The following CRCP variants were observed in gnomAD, a reference collection of about 807,000 sequenced individuals.
The protein encoded by CRCP is DNA-directed RNA polymerase III subunit RPC9.
In CRCP, 18 loss-of-function variants were observed where a neutral mutation model predicts 18.5. The ratio of observed to expected loss-of-function variants is 0.97; its 90% CI spans 0.67 to 1.44. The LOEUF is 1.44. Among genes scored for constraint, CRCP ranks in the 40% most tolerant of loss-of-function variants. The pLI is 0.00. For synonymous variants in CRCP, 53 were observed against 62.9 expected (o/e 0.84, Z 0.75); for missense variants, 130 against 176.4 (o/e 0.74, Z 1.49).
At chr7:66,136,973 C>T (rs1293167370) in intron 4 of CRCP, among the ~76,000 whole-genome samples, 6 of 151,300 alleles carry the variant, frequency 4.0e-5, no homozygotes, top group African/African-American at 1.2e-4. Context: ...CCCAGCTACT[C>T]GGGAGGCTGA....
chr7:66,144,592 CGTAGCTGGGACTACAG>C (rs1433369880), intron 4 of CRCP, among the ~76,000 whole-genome samples: 24 of 152,156 alleles, frequency 1.6e-4, no homozygotes, highest in African/African-American at 4.1e-4. Flanking sequence ...CTCTGCCTTC[CGTAGCTGGGACTACAG>C]GTAGCTGGGA....
intron 4 of CRCP, among the ~76,000 whole-genome samples, chr7:66,144,526 C>G (rs1413909586): frequency 5.3e-5 from 8 of 152,210 alleles, no homozygotes; most frequent in African/African-American, 1.9e-4. Flanking sequence ...GGGTGTGGCT[C>G]TGTCGCCCAG....
intron 3 of CRCP, among the ~76,000 whole-genome samples, chr7:66,131,716 A>G (rs1787809421): frequency 1.3e-5 from 2 of 152,090 alleles, no homozygotes; most frequent in African/African-American, 4.8e-5. Flanking sequence ...AAAGCATCAC[A>G]TCATTGCAAA....
chr7:66,125,350 T>A (rs1787588974), intron 1 of CRCP, among the ~76,000 whole-genome samples: 1 of 149,500 alleles, frequency 6.7e-6, no homozygotes, highest in Non-Finnish European at 1.5e-5. Context: ...ACAGCTCGTT[T>A]AGGACTTCAT....
intron 3 of CRCP, among the ~76,000 whole-genome samples, chr7:66,133,292 T>TCTCGAGC (rs1787864694): frequency 6.6e-6 from 1 of 151,994 alleles, no homozygotes; most frequent in Non-Finnish European, 1.5e-5. Flanking sequence ...GATCACGAGG[T>TCTCGAGC]CAGGAGATCG....
chr7:66,127,781 C>T (rs1787659819), intron 2 of CRCP, 41 bp downstream of exon 2: 1 of 1,603,698 alleles, frequency 6.2e-7, no homozygotes, highest in Non-Finnish European at 8.5e-7. Flanking sequence ...ATAGTTTGCC[C>T]TTCGCTCCTG....
At chr7:66,145,165 A>G (rs1788256392) in intron 4 of CRCP, among the ~76,000 whole-genome samples, 1 of 152,166 alleles carries the variant, frequency 6.6e-6, no homozygotes, top group Non-Finnish European at 1.5e-5. Context: ...TCAAAAAAAA[A>G]GGAAAAAAGA....
chr7:66,137,630 T>C (rs554739098), intron 4 of CRCP, among the ~76,000 whole-genome samples: 2 of 152,356 alleles, frequency 1.3e-5, no homozygotes, highest in East Asian at 1.9e-4. Context: ...ATTGCTGAGA[T>C]TGGATGTTGA....
chr7:66,123,683 G>A (rs1442813962), intron 1 of CRCP, among the ~76,000 whole-genome samples: 1 of 151,526 alleles, frequency 6.6e-6, no homozygotes, highest in Non-Finnish European at 1.5e-5. Context: ...GGGAAGTGGA[G>A]GTTATGGTGA....
At chr7:66,145,256 C>T (rs953402268) in intron 4 of CRCP, among the ~76,000 whole-genome samples, 187 bp from the exon 5 acceptor site, 4 of 152,142 alleles carry the variant, frequency 2.6e-5, no homozygotes, top group Non-Finnish European at 5.9e-5. Context: ...CCATTCGTAC[C>T]GTGGGCTGGG....
intron 5 of CRCP, among the ~76,000 whole-genome samples, 199 bp from the exon 6 acceptor site, chr7:66,152,009 T>C (rs1788491051): frequency 6.6e-6 from 1 of 152,140 alleles, no homozygotes; most frequent in Admixed American, 6.6e-5. Flanking sequence ...CTGACCCATT[T>C]TGATCAGTCG....
intron 5 of CRCP, among the ~76,000 whole-genome samples, chr7:66,149,845 C>T (rs1186306111): frequency 6.6e-6 from 1 of 152,106 alleles, no homozygotes; most frequent in Non-Finnish European, 1.5e-5. Context: ...CTTACTCTGT[C>T]ACCCAGGCTG....
intron 1 of CRCP, among the ~76,000 whole-genome samples, chr7:66,124,495 C>T (rs530736408): frequency 1.4e-5 from 2 of 144,542 alleles, no homozygotes; most frequent in African/African-American, 5.3e-5. Flanking sequence ...TTCCCTCCCT[C>T]CTCCCTCCCT....
At position 66,134,265 on chromosome 7, in the gene CRCP, T is replaced by C. The variant is rs776211822; in HGVS notation, c.145-15T>C. 14 of 1,563,052 alleles carry C rather than the reference T, an allele frequency of 9.0e-6. No homozygotes were observed. The South Asian group carries it at 1.1e-4, about 12-fold the overall frequency. On this transcript the variant is annotated splice_polypyrimidine_tract_variant and intron_variant, in intron 3 of 5. Coordinates refer to ENST00000395326, the MANE Select transcript of CRCP (RefSeq NM_014478.5). ...TCTTATGCTTGGCTTTTTTCTTTTTTTTTTTTTTTGCCAGACGTTAAAATA... is the reference window on the plus strand; with the variant it reads ...TCTTATGCTTGGCTTTTTTCTTTTTCTTTTTTTTTGCCAGACGTTAAAATA...
chr7:66,124,018 C>T (rs1228831647), intron 1 of CRCP, among the ~76,000 whole-genome samples: 2 of 119,182 alleles, frequency 1.7e-5, no homozygotes, highest in East Asian at 5.6e-4. Flanking sequence ...GCACTCCAGC[C>T]TGGGTGACAG....
chr7:66,134,266 T>C lies in CRCP; in HGVS notation c.145-14T>C, dbSNP rs761668474. 2.5e-6 allele frequency: 4 copies of C among 1,569,824 alleles called. No individual in the cohort carries two copies. The highest frequency in any genetic ancestry group is 1.9e-5 in the Admixed American group (1 of 51,646). On this transcript the variant is annotated splice_polypyrimidine_tract_variant and intron_variant, in intron 3 of 5. Coordinates refer to ENST00000395326, the MANE Select transcript of CRCP (RefSeq NM_014478.5). ...CTTATGCTTGGCTTTTTTCTTTTTT[T>C]TTTTTTTTGCCAGACGTTAAAATAC...
chr7:66,134,279 G>A lies in CRCP; in HGVS notation c.145-1G>A. 6.4e-7 allele frequency: 1 copy of A among 1,551,136 alleles called. No homozygotes were observed. Among genetic ancestry groups the A allele is most frequent in the Admixed American group, 2.0e-5 (1 of 49,202 alleles). ...TTTTTCTTTTTTTTTTTTTTTGCCA[G>A]ACGTTAAAATACATATCAAAAACAC... is the stretch of plus-strand genomic sequence containing the variant. On this transcript the variant is annotated splice_acceptor_variant, in intron 3 of 5. Coordinates refer to ENST00000395326, the MANE Select transcript of CRCP (RefSeq NM_014478.5). LOFTEE classifies it high-confidence loss of function.
chr7:66,151,094 C>G (rs1489004301), intron 5 of CRCP: 1 of 152,456 alleles, frequency 6.6e-6, no homozygotes, highest in East Asian at 1.9e-4. Flanking sequence ...AGTTCTACCC[C>G]TTAGCAGCAT....
At chr7:66,151,681 G>C (rs796963235) in intron 5 of CRCP, among the ~76,000 whole-genome samples, 53,939 of 134,912 alleles carry the variant, frequency 0.4, 10,462 homozygotes, top group Admixed American at 0.44. Flanking sequence ...CTCTGTGTGT[G>C]TGTGTGTGTG....
Sources: gnomAD v4.1 joint callset for allele counts (sites outside exome capture counted in the v4.1 genomes callset) on GRCh38, gnomAD v4.1.1 for gene constraint, MANE v1.5 for transcripts, NCBI Gene and HGNC (gene_info 2026-07-23, HGNC 2026-07-21) for gene names.